Variants in TTC39C observed in about 807,000 individuals in gnomAD.
TTC39C encodes tetratricopeptide repeat domain 39C.
TTC39C carries 33 observed loss-of-function variants against 76.3 expected under a neutral mutation model. That is an observed-to-expected ratio of 0.43 (90% CI 0.33 to 0.58). TTC39C has a LOEUF of 0.58. Among genes scored for constraint, TTC39C ranks in the 20% least tolerant of loss-of-function variants. The pLI, the probability that TTC39C is intolerant of heterozygous loss-of-function variation, is 0.04. For missense variants in TTC39C, 595 were observed against 701.4 expected (o/e 0.85, Z 1.71); for synonymous variants, 254 against 260.6 (o/e 0.97, Z 0.24).
At chr18:24,015,112 G>T in intron 1 of TTC39C, 74 bp downstream of exon 1, 1 of 1,277,940 alleles carries the variant, frequency 7.8e-7, no homozygotes, top group South Asian at 1.9e-5. Flanking sequence ...TCGACCTGCG[G>T]CCCCCGGGAG....
intron 6 of TTC39C, among the ~76,000 whole-genome samples, chr18:24,111,640 A>T (rs2084811862): frequency 6.6e-6 from 1 of 151,316 alleles, no homozygotes; most frequent in Non-Finnish European, 1.5e-5. Flanking sequence ...TATGCTTATA[A>T]TCCCGGGACT....
At chr18:24,100,438 TG>T (rs1179449102) in intron 6 of TTC39C, among the ~76,000 whole-genome samples, 1 of 152,232 alleles carries the variant, frequency 6.6e-6, no homozygotes, top group Non-Finnish European at 1.5e-5. Flanking sequence ...CTCAGTGAGA[TG>T]GGGATCCCAG....
rs775165937 is a variant in TTC39C, at chr18:24,118,197, G to T, written c.1151G>T (p.Arg384Met). The T allele has an allele frequency of 6.2e-7, 1 of 1,613,986 alleles. No homozygotes were observed. Among genetic ancestry groups the T allele is most frequent in the Admixed American group, 1.7e-5 (1 of 59,990 alleles). ...DSFERLKNES[R>M]WSQCYYAYLT... ...TTTGAGAGGCTAAAAAATGAGTCCAGGTGGTCCCAGTGCTATTATGCCTAC... is the reference window on the plus strand; with the variant it reads ...TTTGAGAGGCTAAAAAATGAGTCCATGTGGTCCCAGTGCTATTATGCCTAC... The change falls in exon 8 of 14, where the codon AGG (arginine) becomes ATG (methionine). Residue 384 changes from arginine to methionine, a missense_variant. Coordinates refer to ENST00000317571, the MANE Select transcript of TTC39C (RefSeq NM_001135993.2).
intron 4 of TTC39C, 69 bp downstream of exon 4, chr18:24,069,340 A>G (rs1341455502): frequency 7.6e-7 from 1 of 1,309,590 alleles, no homozygotes; most frequent in African/African-American, 1.5e-5. Context: ...TGCTTTTTTA[A>G]GAATGCCTTA....
chr18:24,110,336 A>G (rs2084794449), intron 6 of TTC39C, among the ~76,000 whole-genome samples: 1 of 152,252 alleles, frequency 6.6e-6, no homozygotes, highest in African/African-American at 2.4e-5. Context: ...ACCATATTTA[A>G]TGGTGGCCTC....
rs1014138116 is a variant in TTC39C, at chr18:24,135,509, T to C, written c.*2935T>C. 7.2e-5 allele frequency: 11 copies of C among 153,312 alleles called. No homozygotes were observed. The highest frequency in any genetic ancestry group is 1.6e-4 in the Non-Finnish European group (11 of 68,204). 9.5% of individuals were successfully genotyped at this position (153,312 alleles called of 1,614,324 possible). A position where few individuals can be genotyped will look rare whatever the true frequency, so the allele number is the denominator to read the frequency against. ...TGCGTGCCGTGACTTATCCAACCTG[T>C]GAACTGATTGTGATCTGCTTGGTAA... is the stretch of plus-strand genomic sequence containing the variant. On this transcript the variant is annotated 3_prime_UTR_variant, in exon 14 of 14. Transcript: ENST00000317571.
chr18:24,119,972 C>CG (rs945064736), intron 8 of TTC39C, among the ~76,000 whole-genome samples: 43 of 151,094 alleles, frequency 2.8e-4, no homozygotes, highest in African/African-American at 1.0e-3. Flanking sequence ...TTCCCCCCCC[C>CG]CAATATTTGG....
intron 1 of TTC39C, among the ~76,000 whole-genome samples, chr18:23,997,357 C>T (rs745945251): frequency 2.0e-5 from 3 of 151,974 alleles, no homozygotes; most frequent in Non-Finnish European, 4.4e-5. Context: ...TCGAGACCAG[C>T]CTGGCCAACA....
At chr18:24,050,349 C>T (rs1464769763) in intron 1 of TTC39C, among the ~76,000 whole-genome samples, 2 of 151,944 alleles carry the variant, frequency 1.3e-5, no homozygotes, top group East Asian at 3.9e-4. Context: ...GCAGGCAGAT[C>T]ACTTGAGGTC....
At position 24,123,112 on chromosome 18, in the gene TTC39C, ACTC is replaced by A. The variant is rs568824572; in HGVS notation, c.1187-716_1187-714del. On this transcript the variant is annotated intron_variant, in intron 8 of 13. Transcript: ENST00000317571. ...GATTGATGACTTCCTAGGACAGAGA[ACTC>A]CTCCTTCTACCACGAAGCTTTCATG... Among the ~76,000 whole-genome samples the A allele has an allele frequency of 1.5e-3, 234 of 151,940 alleles. 2 individuals carry two copies. Among genetic ancestry groups the A allele is most frequent in the Non-Finnish European group, 2.7e-3 (184 of 67,954 alleles).
chr18:24,131,368 G>C (rs935309642), intron 12 of TTC39C, among the ~76,000 whole-genome samples: 7 of 152,150 alleles, frequency 4.6e-5, no homozygotes. Context: ...TTTATCAAGT[G>C]ATTATATATC....
chr18:24,078,347 G>A (rs1177741778), intron 4 of TTC39C, among the ~76,000 whole-genome samples: 5 of 152,122 alleles, frequency 3.3e-5, no homozygotes, highest in African/African-American at 1.2e-4. Context: ...ACCACCTCCA[G>A]GTTTGATGAC....
intron 1 of TTC39C, among the ~76,000 whole-genome samples, chr18:24,052,041 G>T (rs561437829): frequency 2.6e-5 from 4 of 152,204 alleles, no homozygotes; most frequent in Admixed American, 6.5e-5. Flanking sequence ...GCTCTGCAGA[G>T]AATTAAAATA....
chr18:24,058,302 T>C (rs2084042929), intron 1 of TTC39C, among the ~76,000 whole-genome samples: 1 of 152,184 alleles, frequency 6.6e-6, no homozygotes, highest in South Asian at 2.1e-4. Context: ...CATGTACCAC[T>C]GAACCTAAAA....
At chr18:24,049,458 CCTCA>C (rs1250744304) in intron 1 of TTC39C, among the ~76,000 whole-genome samples, 1 of 152,138 alleles carries the variant, frequency 6.6e-6, no homozygotes, top group Non-Finnish European at 1.5e-5. Flanking sequence ...CAGGCTGTTC[CCTCA>C]CTCACTCATT....
rs575117688 is a variant in TTC39C, at chr18:24,045,978, A to G, written c.168-18162A>G. ...TTTTGAGACGGAGACTTGCTCTGTC[A>G]CCCAGGCTGGAGTGCGACGGCACAA... On this transcript the variant is annotated intron_variant, in intron 1 of 13. Coordinates refer to ENST00000317571, the MANE Select transcript of TTC39C (RefSeq NM_001135993.2). Among the ~76,000 whole-genome samples the G allele has an allele frequency of 5.7e-3, 631 of 110,556 alleles. 4 individuals carry two copies. The highest frequency in any genetic ancestry group is 0.02 in the Middle Eastern group (2 of 100). The allele number at this position is 110,556 out of a possible 152,430, so 72.5% of individuals were successfully genotyped here.
intron 6 of TTC39C, chr18:24,113,361 G>A: frequency 3.5e-6 from 2 of 570,314 alleles, no homozygotes; most frequent in Non-Finnish European, 3.1e-6. Context: ...ACGTGCTGAG[G>A]AGAGGAGCCC....
At chr18:24,072,932 C>G (rs1262839037) in intron 4 of TTC39C, among the ~76,000 whole-genome samples, 1 of 152,216 alleles carries the variant, frequency 6.6e-6, no homozygotes, top group African/African-American at 2.4e-5. Flanking sequence ...ACAGGTGAGA[C>G]AGTTGCAGTT....
At position 24,116,583 on chromosome 18, in the gene TTC39C, A is replaced by AT. The variant is rs557405163; in HGVS notation, c.1079-1541dup. Among the ~76,000 whole-genome samples the AT allele has an allele frequency of 8.7e-4, 132 of 152,268 alleles. 1 individual carries two copies. Among genetic ancestry groups the AT allele is most frequent in the Middle Eastern group, 3.4e-3 (1 of 294 alleles). On this transcript the variant is annotated intron_variant, in intron 7 of 13. Coordinates refer to ENST00000317571, the MANE Select transcript of TTC39C (RefSeq NM_001135993.2). ...CAAATTTTTACTCTAAACTATGTCA[A>AT]TATCACATCCCATAGAATTTGACAG... is the stretch of plus-strand genomic sequence containing the variant.
Sources: gnomAD v4.1 joint callset for allele counts (sites outside exome capture counted in the v4.1 genomes callset) on GRCh38, gnomAD v4.1.1 for gene constraint, MANE v1.5 for transcripts, NCBI Gene and HGNC (gene_info 2026-07-23, HGNC 2026-07-21) for gene names.